Variants in RAPGEF6 observed in about 807,000 individuals in gnomAD.
The protein encoded by RAPGEF6 is PDZ domain containing guanine nucleotide exchange factor (GEF) 2.
Under a neutral mutation model 171.4 loss-of-function variants are expected in RAPGEF6, and 56 were observed. The ratio of observed to expected loss-of-function variants is 0.33; its 90% CI spans 0.26 to 0.41. The LOEUF is 0.41. Ranked by LOEUF, RAPGEF6 falls within the 10% of genes least tolerant of loss-of-function variation. The pLI is 1.00. For missense variants in RAPGEF6, 1,674 were observed against 1,921.4 expected (o/e 0.87, Z 2.41); for synonymous variants, 692 against 650.1 (o/e 1.06, Z -0.98).
intron 4 of RAPGEF6, among the ~76,000 whole-genome samples, chr5:131,583,977 A>G (rs1264836004): frequency 2.0e-5 from 3 of 152,210 alleles, no homozygotes; most frequent in Admixed American, 2.0e-4. Context: ...ATTTTATAAC[A>G]TGTAAACTAA....
intron 9 of RAPGEF6, among the ~76,000 whole-genome samples, chr5:131,506,453 C>T (rs1757375760): frequency 6.6e-6 from 1 of 152,148 alleles, no homozygotes; most frequent in African/African-American, 2.4e-5. Context: ...TTTTAAAGAT[C>T]TACTATATAT....
intron 9 of RAPGEF6, among the ~76,000 whole-genome samples, chr5:131,506,526 G>A (rs1285323988): frequency 4.6e-5 from 7 of 152,130 alleles, no homozygotes; most frequent in Non-Finnish European, 4.4e-5. Context: ...ACCTTCAATA[G>A]TTTTAATGTG....
intron 16 of RAPGEF6, among the ~76,000 whole-genome samples, chr5:131,475,131 T>C (rs1755012754): frequency 6.6e-6 from 1 of 152,222 alleles, no homozygotes; most frequent in African/African-American, 2.4e-5. Context: ...GGTTACAAAT[T>C]CGTAGTAATT....
intron 23 of RAPGEF6, among the ~76,000 whole-genome samples, chr5:131,441,110 T>C (rs548155407): frequency 9.1e-4 from 138 of 152,336 alleles, no homozygotes; most frequent in African/African-American, 3.1e-3. Context: ...GCATGGCACA[T>C]TGTAATTTCA....
At chr5:131,629,815 G>T (rs911661013) in intron 1 of RAPGEF6, among the ~76,000 whole-genome samples, 1 of 151,768 alleles carries the variant, frequency 6.6e-6, no homozygotes, top group Non-Finnish European at 1.5e-5. Context: ...GAGCCTGAAG[G>T]TGTGACTAAA....
chr5:131,442,977 G>A (rs925030563), intron 22 of RAPGEF6, among the ~76,000 whole-genome samples: 1 of 151,228 alleles, frequency 6.6e-6, no homozygotes, highest in Non-Finnish European at 1.5e-5. Context: ...TTTTAAGACA[G>A]AGCTTTGCTT....
At chr5:131,629,564 G>C (rs1308080566) in intron 1 of RAPGEF6, among the ~76,000 whole-genome samples, 9 of 149,782 alleles carry the variant, frequency 6.0e-5, no homozygotes, top group Non-Finnish European at 1.0e-4. Flanking sequence ...GATCAACCTG[G>C]GCAACATAGC....
chr5:131,625,743 GA>G, intron 1 of RAPGEF6, among the ~76,000 whole-genome samples: 1 of 151,362 alleles, frequency 6.6e-6, no homozygotes, highest in East Asian at 1.9e-4. Flanking sequence ...GTGAACCCGG[GA>G]GGTGGAGCTT....
chr5:131,593,723 C>T lies in RAPGEF6; in HGVS notation c.198-1257G>A, dbSNP rs139297250. On this transcript the variant is annotated intron_variant, in intron 3 of 27. Coordinates refer to ENST00000509018, the MANE Select transcript of RAPGEF6 (RefSeq NM_016340.6). ...TAGACTGGTGGCATTTTGCCCCTGCCCTACAGATCTATGGAACTTAGAACT... is the reference window on the plus strand; with the variant it reads ...TAGACTGGTGGCATTTTGCCCCTGCTCTACAGATCTATGGAACTTAGAACT... 3.3e-3 allele frequency among the ~76,000 whole-genome samples: 507 copies of T among 152,230 alleles called. 2 individuals are homozygous for T. Among genetic ancestry groups the T allele is most frequent in the African/African-American group, 0.012 (486 of 41,544 alleles).
chr5:131,525,709 A>C (rs373635800), intron 6 of RAPGEF6, among the ~76,000 whole-genome samples: 68 of 152,268 alleles, frequency 4.5e-4, no homozygotes, highest in African/African-American at 1.6e-3. Context: ...AAAGGCAAAC[A>C]CTGAAAATAG....
chr5:131,570,252 T>A (rs1300266989), intron 4 of RAPGEF6, among the ~76,000 whole-genome samples: 1 of 152,110 alleles, frequency 6.6e-6, no homozygotes, highest in East Asian at 1.9e-4. Flanking sequence ...ACCCCCTACA[T>A]CACTCATCAC....
At chr5:131,606,045 A>G (rs1405909814) in intron 1 of RAPGEF6, among the ~76,000 whole-genome samples, 1 of 147,278 alleles carries the variant, frequency 6.8e-6, no homozygotes, top group Admixed American at 6.7e-5. Flanking sequence ...AAAAAAAAAA[A>G]AAAAAAAAGA....
chr5:131,525,400 T>C (rs941681705), intron 6 of RAPGEF6, among the ~76,000 whole-genome samples: 10 of 151,972 alleles, frequency 6.6e-5, no homozygotes, highest in Non-Finnish European at 1.2e-4. Flanking sequence ...TTGTAAACAA[T>C]CCTCTATTGA....
rs557675474 is a variant in RAPGEF6 at position 131,544,390 on chromosome 5, C to T, written c.495+3657G>A. On this transcript the variant is annotated intron_variant, in intron 6 of 27. Coordinates refer to ENST00000509018, the MANE Select transcript of RAPGEF6 (RefSeq NM_016340.6). The stretch of plus-strand genomic sequence containing the variant: ...GAGAGGGGAAAAAATATAATTGATG[C>T]ACACGACAGGGAAAGGTCTCAAAAT... 7.9e-5 allele frequency among the ~76,000 whole-genome samples: 12 copies of T among 152,072 alleles called. No individual in the cohort carries two copies. In the South Asian group the frequency reaches 2.3e-3, roughly 29 times the overall value.
intron 26 of RAPGEF6, 113 bp downstream of exon 26, chr5:131,430,746 A>T (rs781383713): frequency 7.3e-7 from 1 of 1,368,614 alleles, no homozygotes; most frequent in Non-Finnish European, 1.0e-6. Context: ...AAGGAAAGAA[A>T]GGTTGTTAGA....
chr5:131,511,227 T>C (rs1161137163), intron 7 of RAPGEF6: 2 of 152,060 alleles, frequency 1.3e-5, no homozygotes, highest in Admixed American at 6.5e-5. Context: ...ATAATGAAAA[T>C]GTCTTTTAGA....
chr5:131,543,637 G>A (rs1026409989), intron 6 of RAPGEF6, among the ~76,000 whole-genome samples: 3 of 152,080 alleles, frequency 2.0e-5, no homozygotes, highest in African/African-American at 4.8e-5. Context: ...TTACAATATC[G>A]TCATTTTTAG....
chr5:131,540,230 A>G (rs1363960099), intron 6 of RAPGEF6, among the ~76,000 whole-genome samples: 1 of 152,228 alleles, frequency 6.6e-6, no homozygotes, highest in Non-Finnish European at 1.5e-5. Flanking sequence ...TAATAACACA[A>G]CAAACATATA....
intron 22 of RAPGEF6, among the ~76,000 whole-genome samples, chr5:131,443,304 T>C (rs1047020617): frequency 3.9e-5 from 6 of 151,956 alleles, no homozygotes; most frequent in African/African-American, 1.5e-4. Flanking sequence ...TCTCGAACTC[T>C]TGACCTCAGG....
Sources: gnomAD v4.1 joint callset for allele counts (sites outside exome capture counted in the v4.1 genomes callset) on GRCh38, gnomAD v4.1.1 for gene constraint, MANE v1.5 for transcripts, NCBI Gene and HGNC (gene_info 2026-07-23, HGNC 2026-07-21) for gene names.